Variants in TDRD12 observed in about 807,000 individuals in gnomAD.
TDRD12 encodes tudor domain containing 12.
In TDRD12, 158 loss-of-function variants were observed where a neutral mutation model predicts 133.5. That is an observed-to-expected ratio of 1.18 (90% CI 1.04 to 1.35). TDRD12 has a LOEUF of 1.35. Among genes scored for constraint, TDRD12 ranks in the 40% most tolerant of loss-of-function variants. The pLI is 0.00. For synonymous variants in TDRD12, 460 were observed against 477.9 expected (o/e 0.96, Z 0.49); for missense variants, 1,443 against 1,321.3 (o/e 1.09, Z -1.43).
intron 8 of TDRD12, among the ~76,000 whole-genome samples, chr19:32,767,231 C>T (rs775915069): frequency 2.0e-5 from 3 of 150,980 alleles, no homozygotes; most frequent in South Asian, 2.1e-4. Context: ...TGGGTTCAAG[C>T]GATTCTCCTG....
At chr19:32,801,808 T>G in exon 19 of TDRD12, 1 of 1,479,904 alleles carries the variant, frequency 6.8e-7, no homozygotes, top group Non-Finnish European at 9.1e-7. Flanking sequence ...GAAATGATTT[T>G]TAACTTACAA....
intron 11 of TDRD12, among the ~76,000 whole-genome samples, chr19:32,788,243 C>A (rs796744325): frequency 9.9e-5 from 15 of 151,966 alleles, no homozygotes; most frequent in African/African-American, 2.7e-4. Context: ...CTGCCTCAGT[C>A]TGGGATTACA....
intron 8 of TDRD12, among the ~76,000 whole-genome samples, chr19:32,761,306 A>G (rs1273273838): frequency 6.6e-6 from 1 of 151,736 alleles, no homozygotes; most frequent in Non-Finnish European, 1.5e-5. Flanking sequence ...TATTTTTTGT[A>G]TTTTTAGTAG....
chr19:32,812,775 G>C (rs1356524586), intron 24 of TDRD12, among the ~76,000 whole-genome samples: 1 of 152,204 alleles, frequency 6.6e-6, no homozygotes, highest in Non-Finnish European at 1.5e-5. Flanking sequence ...CAAGTGCAAG[G>C]GGGATGGAAA....
chr19:32,733,641 G>A (rs767787019), intron 2 of TDRD12, among the ~76,000 whole-genome samples: 2 of 152,052 alleles, frequency 1.3e-5, no homozygotes, highest in Admixed American at 6.6e-5. Context: ...TTGACCAGAG[G>A]GGACATCCTG....
intron 27 of TDRD12, among the ~76,000 whole-genome samples, chr19:32,820,265 G>A (rs948538314): frequency 3.9e-5 from 6 of 152,004 alleles, no homozygotes; most frequent in East Asian, 1.9e-4. Flanking sequence ...CCTCCTCCTC[G>A]TGTGTGTGTG....
chr19:32,820,313 T>G (rs1227725363), intron 27 of TDRD12, among the ~76,000 whole-genome samples: 1 of 152,100 alleles, frequency 6.6e-6, no homozygotes, highest in Non-Finnish European at 1.5e-5. Flanking sequence ...TTCAAAGATG[T>G]ACAAAAACTG....
At chr19:32,815,452 A>G in exon 26 of TDRD12, 1 of 1,534,158 alleles carries the variant, frequency 6.5e-7, no homozygotes, top group Non-Finnish European at 8.7e-7. Context: ...TTCAAGGTGC[A>G]CATTACAAAC....
chr19:32,739,895 GGT>G, intron 3 of TDRD12, among the ~76,000 whole-genome samples: 1 of 131,388 alleles, frequency 7.6e-6, no homozygotes, highest in East Asian at 3.2e-4. Context: ...GCATCTCCTG[GGT>G]GCTGTCTGCA....
rs764798563 is a variant in TDRD12, at chr19:32,811,394, G to A, written c.3022G>A (p.Asp1008Asn). 26 of 1,535,956 alleles carry A rather than the reference G, an allele frequency of 1.7e-5. No individual in the cohort carries two copies. The African/African-American group carries it at 1.8e-4, about 11-fold the overall frequency. Residue 1008 changes from aspartate to asparagine, a missense_variant, in exon 24 of 28, where the codon GAC becomes AAC. Coordinates refer to ENST00000444215, the Ensembl canonical transcript of TDRD12. ...TATTGTCTGTAGGGTGAAACCTGCT[G>A]ACAACGAAATAGAATGGAATCCGAA...
chr19:32,733,548 C>G (rs1253594636), intron 2 of TDRD12, among the ~76,000 whole-genome samples: 1 of 151,720 alleles, frequency 6.6e-6, no homozygotes, highest in African/African-American at 2.4e-5. Flanking sequence ...AAGGTTGCTT[C>G]TGTTTTTCAA....
intron 1 of TDRD12, among the ~76,000 whole-genome samples, chr19:32,722,556 C>T (rs1026109857): frequency 1.1e-4 from 16 of 152,042 alleles, no homozygotes; most frequent in South Asian, 2.1e-4. Flanking sequence ...ACTGGGTAAA[C>T]GGAAGGTGGT....
exon 21 of TDRD12, chr19:32,803,017 G>T: frequency 6.5e-7 from 1 of 1,535,998 alleles, no homozygotes; most frequent in Non-Finnish European, 8.7e-7. Flanking sequence ...TGCGCTACTT[G>T]GAGCGAGCGG....
chr19:32,760,203 A>G (rs890345866), intron 8 of TDRD12, among the ~76,000 whole-genome samples: 9 of 152,346 alleles, frequency 5.9e-5, no homozygotes, highest in African/African-American at 1.4e-4. Flanking sequence ...GCTTATTACA[A>G]TCAGTACTGG....
At chr19:32,764,849 C>T (rs1313807896) in intron 8 of TDRD12, among the ~76,000 whole-genome samples, 1 of 152,128 alleles carries the variant, frequency 6.6e-6, no homozygotes, top group African/African-American at 2.4e-5. Flanking sequence ...ATGTCTAAAA[C>T]ACCAAAAGCA....
chr19:32,800,338 C>T, exon 17 of TDRD12: 1 of 1,520,522 alleles, frequency 6.6e-7, no homozygotes, highest in Non-Finnish European at 8.8e-7. Flanking sequence ...AGAGGCTGCT[C>T]TCTATGGCAA....
In TDRD12 at chr19:32,811,395, A is replaced by G. The variant is rs1424761271; in HGVS notation, c.3023A>G (p.Asp1008Gly). The change falls in exon 24 of 28, where the codon GAC (aspartate) becomes GGC (glycine). Residue 1008 changes from aspartate (D) to glycine (G), a missense_variant. By Grantham distance (94) the Asp-to-Gly change is moderately conservative. Coordinates refer to ENST00000444215, the Ensembl canonical transcript of TDRD12. ...ATTGTCTGTAGGGTGAAACCTGCTG[A>G]CAACGAAATAGAATGGAATCCGAAG... The G allele has an allele frequency of 6.5e-6, 10 of 1,536,014 alleles. No individual in the cohort carries two copies. In the Admixed American group the frequency reaches 1.8e-4, roughly 27 times the overall value.
intron 24 of TDRD12, among the ~76,000 whole-genome samples, chr19:32,812,280 G>A (rs1037409809): frequency 2.0e-5 from 3 of 152,178 alleles, no homozygotes; most frequent in East Asian, 1.9e-4. Context: ...CAGCCCTTGC[G>A]GCCAGGGAGA....
chr19:32,759,693 T>A (rs1970098642), intron 8 of TDRD12, among the ~76,000 whole-genome samples: 2 of 152,222 alleles, frequency 1.3e-5, no homozygotes, highest in Non-Finnish European at 2.9e-5. Context: ...AAAATTTTTA[T>A]TTCACAGAAA....
Sources: allele counts gnomAD v4.1 joint callset (sites outside exome capture counted in the v4.1 genomes callset), GRCh38; gene constraint gnomAD v4.1.1; transcripts MANE v1.5; gene names NCBI Gene and HGNC (gene_info 2026-07-23, HGNC 2026-07-21).